FYB1: variants seen among roughly 807,000 people sequenced by gnomAD.
FYB1 encodes FYN-binding protein 1.
In FYB1, 41 loss-of-function variants were observed where a neutral mutation model predicts 94.1. The observed-to-expected ratio is 0.44, with a 90% CI of 0.34 to 0.57. FYB1 has a LOEUF of 0.57. FYB1 is among the 20% of genes least tolerant of loss of function. The pLI, the probability that FYB1 is intolerant of heterozygous loss-of-function variation, is 0.02. For synonymous variants in FYB1, 367 were observed against 353.2 expected, an observed-to-expected ratio of 1.04 and a Z score of -0.44; for missense variants, 1,050 against 976.8, an observed-to-expected ratio of 1.07 and a Z score of -1.00.
chr5:39,213,223 T>C (rs565888203), intron 1 of FYB1, among the ~76,000 whole-genome samples: 2 of 152,240 alleles, frequency 1.3e-5, no homozygotes, highest in Admixed American at 1.3e-4. Flanking sequence ...TTAAACTGAG[T>C]CACCTAAGCT....
intron 10 of FYB1, among the ~76,000 whole-genome samples, 158 bp from the exon 11 acceptor site, chr5:39,127,965 A>G (rs569144124): frequency 6.6e-6 from 1 of 152,310 alleles, no homozygotes; most frequent in East Asian, 1.9e-4. Flanking sequence ...ATTATTTTAT[A>G]AAGAATTCTT....
At chr5:39,186,127 A>G (rs1374069620) in intron 2 of FYB1, among the ~76,000 whole-genome samples, 1 of 152,196 alleles carries the variant, frequency 6.6e-6, no homozygotes. Flanking sequence ...AGCTCCACTA[A>G]AACATGAACA....
chr5:39,159,092 C>T (rs1331612249), intron 2 of FYB1, among the ~76,000 whole-genome samples: 1 of 152,132 alleles, frequency 6.6e-6, no homozygotes, highest in Non-Finnish European at 1.5e-5. Flanking sequence ...AAGTCTGAAG[C>T]ATTGCATAAA....
At chr5:39,192,783 G>C (rs1299788598) in intron 2 of FYB1, among the ~76,000 whole-genome samples, 2 of 152,250 alleles carry the variant, frequency 1.3e-5, no homozygotes, top group Non-Finnish European at 1.5e-5. Flanking sequence ...GCTGGTGCCT[G>C]AGCAGAAAGA....
intron 2 of FYB1, among the ~76,000 whole-genome samples, chr5:39,158,532 G>A (rs1272922044): frequency 6.6e-6 from 1 of 152,190 alleles, no homozygotes; most frequent in Non-Finnish European, 1.5e-5. Context: ...AACGAGGGTG[G>A]TGGTATACTC....
Position 39,135,022 on chromosome 5 carries a change from G to A in FYB1, c.1516-8C>T, listed in dbSNP as rs1375964235. On this transcript the variant is annotated splice_polypyrimidine_tract_variant and splice_region_variant and intron_variant, in intron 7 of 18. Coordinates refer to ENST00000512982, the MANE Select transcript of FYB1 (RefSeq NM_001465.6). Reference sequence around the variant, plus strand: ...TTGAATAGGGCCTGTTAGCTGCAAAGAGAAAAAAATAGTCACAAAAGATTT... The same window carrying A: ...TTGAATAGGGCCTGTTAGCTGCAAAAAGAAAAAAATAGTCACAAAAGATTT... 2.5e-6 allele frequency: 4 copies of A among 1,605,352 alleles called. No individual in the cohort carries two copies. The highest frequency in any genetic ancestry group is 3.5e-5 in the Admixed American group (2 of 57,928).
At chr5:39,191,874 A>T (rs189411749) in intron 2 of FYB1, among the ~76,000 whole-genome samples, 74 of 152,322 alleles carry the variant, frequency 4.9e-4, no homozygotes, top group African/African-American at 1.7e-3. Context: ...ATGAGGCATA[A>T]TTTTGTTCTT....
chr5:39,171,117 G>T (rs565587238), intron 2 of FYB1, among the ~76,000 whole-genome samples: 1 of 151,810 alleles, frequency 6.6e-6, no homozygotes, highest in East Asian at 1.9e-4. Flanking sequence ...GTGAAACCCC[G>T]TCTCTACTAA....
Position 39,119,574 on chromosome 5 carries a change from C to A in FYB1, c.2199G>T (p.Lys733Asn). The change falls in exon 15 of 19, where the codon AAG becomes AAT. Residue 733 changes from lysine to asparagine, a missense_variant. Coordinates refer to ENST00000512982, the MANE Select transcript of FYB1 (RefSeq NM_001465.6). ...TGAAGTCTTTTTCTTCTTTTTCCTG[C>A]TTTTTTAGCTTCTTAAGGTCCTTTT... ...TEEKDLKKLKKQEKEEKDFRK... is the reference protein window; with the variant it reads ...TEEKDLKKLKNQEKEEKDFRK... 2 of 1,547,888 alleles carry A rather than the reference C, an allele frequency of 1.3e-6. No homozygotes were observed. Among genetic ancestry groups the A allele is most frequent in the South Asian group, 1.2e-5 (1 of 82,642 alleles).
In FYB1 at chr5:39,137,864, G is replaced by A. The variant is rs2303804; in HGVS notation, c.1395-144C>T. 7.1e-3 allele frequency: 7,307 copies of A among 1,031,136 alleles called. 193 individuals are homozygous for A. Among genetic ancestry groups the A allele is most frequent in the African/African-American group, 0.063 (3,901 of 61,460 alleles). 63.9% of individuals were successfully genotyped at this position (1,031,136 alleles called of 1,614,324 possible). On this transcript the variant is annotated intron_variant, in intron 6 of 18. Transcript: ENST00000512982. ...AAAAAGCGAAAGGTTGTCAAAATCC[G>A]GAATGTGTGAGATTATTTTTAAAAC...
At chr5:39,260,882 GACTT>G (rs1752180920) in intron 1 of FYB1, among the ~76,000 whole-genome samples, 1 of 151,914 alleles carries the variant, frequency 6.6e-6, no homozygotes, top group South Asian at 2.1e-4. Context: ...ATGTCCATAT[GACTT>G]ACTTTGGCCA....
At chr5:39,270,432 A>C (rs1393470113) in intron 1 of FYB1, 6 of 671,070 alleles carry the variant, frequency 8.9e-6, no homozygotes, top group Non-Finnish European at 1.2e-5. Context: ...CATCAGCACA[A>C]GGAAAAAGTG....
At chr5:39,182,287 ATGTGTGTGTGTGTGTGTGTGTG>A (rs57111701) in intron 2 of FYB1, among the ~76,000 whole-genome samples, 36,753 of 140,272 alleles carry the variant, frequency 0.26, 5,020 homozygotes, top group Non-Finnish European at 0.32. Context: ...GTGTGCATGC[ATGTGTGTGTGTGTGTGTGTGTG>A]TGTGTGTGTG....
Position 39,131,508 on chromosome 5 carries a change from G to A in FYB1, c.1818-896C>T, listed in dbSNP as rs565016742. 4.6e-5 allele frequency among the ~76,000 whole-genome samples: 7 copies of A among 152,328 alleles called. No individual in the cohort carries two copies. In the East Asian group the frequency reaches 1.3e-3, roughly 29 times the overall value. On this transcript the variant is annotated intron_variant, in intron 9 of 18. Transcript: ENST00000512982. The stretch of plus-strand genomic sequence containing the variant: ...CATATCTGATTTCCTAACGTTAAAA[G>A]TGGGTGAAAGAAATTGATCTGATGC...
At chr5:39,169,218 T>A (rs1386455212) in intron 2 of FYB1, 1 of 1,068,654 alleles carries the variant, frequency 9.4e-7, no homozygotes, top group Non-Finnish European at 1.4e-6. Context: ...TCATTTGCCA[T>A]ATGGTTGGTC....
chr5:39,269,784 A>G (rs548818445), intron 1 of FYB1: 2 of 152,364 alleles, frequency 1.3e-5, no homozygotes, highest in African/African-American at 4.8e-5. Context: ...TCTCCGTAAT[A>G]AGAGAAGGAA....
At chr5:39,248,861 A>T (rs1751596752) in intron 1 of FYB1, among the ~76,000 whole-genome samples, 1 of 152,206 alleles carries the variant, frequency 6.6e-6, no homozygotes, top group Admixed American at 6.5e-5. Flanking sequence ...TAAATATCTT[A>T]AATATTCCCC....
At chr5:39,237,834 A>G (rs1199090529) in intron 1 of FYB1, among the ~76,000 whole-genome samples, 2 of 152,144 alleles carry the variant, frequency 1.3e-5, no homozygotes, top group Non-Finnish European at 2.9e-5. Flanking sequence ...TGCATTGAAA[A>G]TGGAAATCAG....
rs1252757246 is a variant in FYB1, at chr5:39,137,736, G to A, written c.1395-16C>T. Reference sequence around the variant, plus strand: ...GGATGCTTCTCTGTGAGTAAAAATTGTTAGGTTGTTTTCACATCTGCAGGT... The same window carrying A: ...GGATGCTTCTCTGTGAGTAAAAATTATTAGGTTGTTTTCACATCTGCAGGT... On this transcript the variant is annotated splice_polypyrimidine_tract_variant and intron_variant, in intron 6 of 18. Transcript: ENST00000512982. The A allele has an allele frequency of 2.6e-6, 4 of 1,549,462 alleles. No homozygotes were observed. The African/African-American group carries it at 5.5e-5, about 21-fold the overall frequency.
Sources: gnomAD v4.1 joint callset for allele counts (sites outside exome capture counted in the v4.1 genomes callset) on GRCh38, gnomAD v4.1.1 for gene constraint, MANE v1.5 for transcripts, NCBI Gene and HGNC (gene_info 2026-07-23, HGNC 2026-07-21) for gene names.